The following POLR1C variants were observed in gnomAD, a reference collection of about 807,000 sequenced individuals.
POLR1C encodes the protein DNA-directed RNA polymerases I and III subunit RPAC1.
In POLR1C, 42 loss-of-function variants were observed where a neutral mutation model predicts 38.3. That is an observed-to-expected ratio of 1.10 (90% CI 0.86 to 1.42). The LOEUF (loss-of-function observed/expected upper bound fraction) is 1.42. POLR1C is among the 40% of genes most tolerant of loss of function. The pLI, the probability that POLR1C is intolerant of heterozygous loss-of-function variation, is 0.00. For synonymous variants in POLR1C, 163 were observed against 163.9 expected (o/e 0.99, Z 0.04); for missense variants, 507 against 450.5 (o/e 1.13, Z -1.14).
chr6:43,531,238 C>T (rs1159600448), downstream of POLR1C, among the ~76,000 whole-genome samples: 4 of 140,104 alleles, frequency 2.9e-5, no homozygotes, highest in Non-Finnish European at 3.3e-5. Context: ...ATTTTATACA[C>T]TAGAAACACA....
chr6:43,558,756 G>C (rs1479839167), intron 10 of POLR1C, among the ~76,000 whole-genome samples: 2 of 152,200 alleles, frequency 1.3e-5, no homozygotes, highest in African/African-American at 2.4e-5. Flanking sequence ...TCCACAGTTT[G>C]CTCCCAGTTC....
At chr6:43,541,349 T>C (rs544537124) in intron 9 of POLR1C, among the ~76,000 whole-genome samples, 23 of 152,370 alleles carry the variant, frequency 1.5e-4, no homozygotes, top group African/African-American at 5.3e-4. Flanking sequence ...ATGCATTGCA[T>C]GCCTGTGTCA....
intron 9 of POLR1C, among the ~76,000 whole-genome samples, chr6:43,538,006 TC>T (rs1465016793): frequency 7.3e-6 from 1 of 137,434 alleles, no homozygotes; most frequent in East Asian, 2.2e-4. Flanking sequence ...AATTGCTTGA[TC>T]CCGGGAGGCG....
At chr6:43,533,937 T>C (rs373758989), downstream of POLR1C, 11 of 1,606,652 alleles carry the variant, frequency 6.8e-6, no homozygotes, top group East Asian at 2.2e-5. Flanking sequence ...GCGTCAAGCA[T>C]ATCCAGAGCC....
chr6:43,560,202 A>C, intron 10 of POLR1C: 1 of 1,612,814 alleles, frequency 6.2e-7, no homozygotes, highest in Non-Finnish European at 8.5e-7. Flanking sequence ...TCATGGAAGC[A>C]CGAAGATATT....
intron 6 of POLR1C, 53 bp downstream of exon 6, chr6:43,520,480 G>T: frequency 6.2e-7 from 1 of 1,608,740 alleles, no homozygotes; most frequent in Non-Finnish European, 8.5e-7. Flanking sequence ...TTGCAGTGGG[G>T]CAAGCTGACT....
intron 9 of POLR1C, chr6:43,547,721 G>A: frequency 6.2e-7 from 1 of 1,611,332 alleles, no homozygotes; most frequent in Non-Finnish European, 8.5e-7. Flanking sequence ...AAGGTTGGAG[G>A]GGGAAAAACA....
downstream of POLR1C, chr6:43,523,635 A>G (rs1367985950): frequency 6.4e-6 from 5 of 776,094 alleles, no homozygotes; most frequent in South Asian, 1.4e-5. Context: ...AATGGGAACT[A>G]TCTGGGACAT....
rs1005521841 is a variant in POLR1C, at chr6:43,539,343, G to A, written c.*4+9984G>A. ...GCAACAAACGCCTTGAACCTGGTGC[G>A]CTGGCCAGCACGGGTCTGCTTCTGC... On this transcript the variant is annotated intron_variant, in intron 9 of 10. Transcript: ENST00000607635. The A allele has an allele frequency of 2.0e-5, 31 of 1,578,204 alleles. No homozygotes were observed. In the East Asian group the frequency reaches 5.6e-4, roughly 29 times the overall value.
chr6:43,558,976 A>T (rs1762258326), intron 10 of POLR1C: 1 of 162,054 alleles, frequency 6.2e-6, no homozygotes. Flanking sequence ...TCATTCAGAA[A>T]AGAATTGAAG....
Position 43,527,604 on chromosome 6 carries a change from CT to C in POLR1C, c.923-1644del, listed in dbSNP as rs777747663. ...CCAGCTCTTCTTCCAGGAAAATCCTCTATAGCCCCAGTTTCGACATGCCACT... is the reference window on the plus strand; with the variant it reads ...CCAGCTCTTCTTCCAGGAAAATCCTCATAGCCCCAGTTTCGACATGCCACT... On this transcript the variant is annotated intron_variant, in intron 8 of 8. Coordinates refer to the POLR1C transcript ENST00000304004. 1.9e-6 allele frequency: 3 copies of C among 1,611,486 alleles called. No individual in the cohort carries two copies. The South Asian group carries it at 3.3e-5, about 18-fold the overall frequency.
chr6:43,549,110 C>A (rs1795106221), intron 9 of POLR1C, among the ~76,000 whole-genome samples: 1 of 152,198 alleles, frequency 6.6e-6, no homozygotes, highest in Non-Finnish European at 1.5e-5. Context: ...GTTGCCCAGG[C>A]TGGAGCAATG....
chr6:43,540,753 C>T lies in POLR1C; in HGVS notation c.*5-10215C>T, dbSNP rs150378957. Among the ~76,000 whole-genome samples, 1,085 of 152,300 alleles carry T rather than the reference C, an allele frequency of 7.1e-3. 15 individuals carry two copies. The highest frequency in any genetic ancestry group is 0.025 in the African/African-American group (1,049 of 41,552). On this transcript the variant is annotated intron_variant, in intron 9 of 10. Transcript: ENST00000607635. ...GTGGCCTCCCAAAGTGCTGAGATTA[C>T]AGGCATGAGCCAACATGCCCAGCCC...
intron 9 of POLR1C, among the ~76,000 whole-genome samples, chr6:43,548,699 G>A (rs532546276): frequency 6.6e-6 from 1 of 151,596 alleles, no homozygotes; most frequent in East Asian, 1.9e-4. Context: ...TACTACAACT[G>A]TGAAAAGATC....
downstream of POLR1C, chr6:43,530,793 T>C: frequency 6.2e-7 from 1 of 1,613,410 alleles, no homozygotes. Flanking sequence ...TCTTGCTGCA[T>C]GGAAGGGCCT....
rs769375098 is a variant in POLR1C at position 43,560,884 on chromosome 6, C to T, written c.*49-516C>T. 2.1e-5 allele frequency: 32 copies of T among 1,514,552 alleles called. No individual in the cohort carries two copies. In the East Asian group the frequency reaches 7.0e-4, roughly 33 times the overall value. 93.8% of individuals were successfully genotyped at this position (1,514,552 alleles called of 1,614,324 possible). ...GGACACAGTGCTTGACATTGGTTCA[C>T]CTAACTAAACTTTTGAGAAGTTACC... On this transcript the variant is annotated intron_variant, in intron 10 of 10. Transcript: ENST00000607635.
intron 9 of POLR1C, among the ~76,000 whole-genome samples, chr6:43,537,743 C>A (rs564104364): frequency 6.6e-6 from 1 of 152,196 alleles, no homozygotes; most frequent in Non-Finnish European, 1.5e-5. Flanking sequence ...TCTGGAAATA[C>A]AAGTCCACAT....
At chr6:43,549,770 T>A (rs747136082) in intron 9 of POLR1C, 1 of 1,214,242 alleles carries the variant, frequency 8.2e-7, no homozygotes, top group African/African-American at 1.5e-5. Flanking sequence ...CAAAACAACA[T>A]ATATGATAAT....
chr6:43,540,373 G>A (rs1794628426), intron 9 of POLR1C, among the ~76,000 whole-genome samples: 1 of 152,214 alleles, frequency 6.6e-6, no homozygotes, highest in African/African-American at 2.4e-5. Context: ...CAGCTACTTG[G>A]GAGGCTGAAG....
Sources: gnomAD v4.1 joint callset for allele counts (sites outside exome capture counted in the v4.1 genomes callset) on GRCh38, gnomAD v4.1.1 for gene constraint, MANE v1.5 for transcripts, NCBI Gene and HGNC (gene_info 2026-07-23, HGNC 2026-07-21) for gene names.